The following SRP54 variants were observed in gnomAD, a reference collection of about 807,000 sequenced individuals.
The protein encoded by SRP54 is signal recognition particle 54.
Under a neutral mutation model 64.8 loss-of-function variants are expected in SRP54, and 10 were observed. The observed-to-expected ratio is 0.15, with a 90% confidence interval of 0.10 to 0.26. SRP54 has a LOEUF of 0.26. SRP54 is among the 10% of genes least tolerant of loss of function. SRP54 has a pLI of 1.00. For missense variants in SRP54, 325 were observed against 613.7 expected (o/e 0.53, Z 4.97); for synonymous variants, 193 against 185.6 (o/e 1.04, Z -0.32).
At chr14:34,983,849 A>G (rs2043849690) in intron 1 of SRP54, among the ~76,000 whole-genome samples, 1 of 152,236 alleles carries the variant, frequency 6.6e-6, no homozygotes, top group Non-Finnish European at 1.5e-5. Flanking sequence ...ACATAAATAC[A>G]CATTATATCA....
intron 10 of SRP54, among the ~76,000 whole-genome samples, chr14:35,014,466 G>A (rs1198776649): frequency 6.6e-6 from 1 of 151,760 alleles, no homozygotes; most frequent in Non-Finnish European, 1.5e-5. Context: ...TTTTAGTAGA[G>A]ACGGGGTTTC....
chr14:35,029,051 T>C lies in SRP54; in HGVS notation c.1424-10T>C, dbSNP rs2044681048. The C allele has an allele frequency of 6.2e-7, 1 of 1,610,678 alleles. No homozygotes were observed. Among genetic ancestry groups the C allele is most frequent in the Non-Finnish European group, 8.5e-7 (1 of 1,177,958 alleles). On this transcript the variant is annotated splice_polypyrimidine_tract_variant and intron_variant, in intron 15 of 15. Coordinates refer to ENST00000216774, the MANE Select transcript of SRP54 (RefSeq NM_003136.4). Reference sequence around the variant, plus strand: ...CTGTTTTTAACTCTACTTCCCTACTTTTGCTCTAGGTGGTATGGCAGGACT... The same window carrying C: ...CTGTTTTTAACTCTACTTCCCTACTCTTGCTCTAGGTGGTATGGCAGGACT...
intron 4 of SRP54, among the ~76,000 whole-genome samples, chr14:35,004,061 A>G (rs1002338457): frequency 4.6e-5 from 7 of 151,998 alleles, no homozygotes; most frequent in African/African-American, 1.7e-4. Context: ...CCTGACCAAC[A>G]TGGTGAAACT....
chr14:34,987,364 G>T (rs2043916130), intron 1 of SRP54, among the ~76,000 whole-genome samples: 1 of 148,930 alleles, frequency 6.7e-6, no homozygotes. Flanking sequence ...ACAAAGTTAC[G>T]CAACTATCAC....
intron 1 of SRP54, among the ~76,000 whole-genome samples, chr14:34,988,578 A>AAAATATATATATATATATATATCATATAT (rs1384552218): frequency 2.1e-5 from 1 of 47,104 alleles, no homozygotes; most frequent in Non-Finnish European, 4.8e-5. Context: ...AAAAAAAAAA[A>AAAATATATATATATATATATATCATATAT]ATATATATAT....
chr14:35,013,484 G>A lies in SRP54; in HGVS notation c.775G>A (p.Ala259Thr), dbSNP rs920906296. ...KLDGHAKGGG[A>T]LSAVAATKSP... Reference sequence around the variant, plus strand: ...TGATGGCCATGCAAAAGGAGGTGGTGCACTCAGTGCGTAAGTATCATTGAT... The same window carrying A: ...TGATGGCCATGCAAAAGGAGGTGGTACACTCAGTGCGTAAGTATCATTGAT... The change falls in exon 9 of 16, where the codon GCA (alanine) becomes ACA (threonine). Residue 259 changes from alanine (A) to threonine (T), a missense_variant. Around this residue, in one of 3 missense-constraint regions of SRP54, gnomAD observed 146 missense variants for 337.4 expected, o/e 0.43. Coordinates refer to ENST00000216774, the MANE Select transcript of SRP54 (RefSeq NM_003136.4). The A allele has an allele frequency of 1.2e-6, 2 of 1,613,942 alleles. No individual in the cohort carries two copies. The highest frequency in any genetic ancestry group is 2.7e-5 in the African/African-American group (2 of 74,928).
At position 35,013,310 on chromosome 14, in the gene SRP54, C is replaced by A. The variant is rs369492821; in HGVS notation, c.637-36C>A. The A allele has an allele frequency of 5.9e-5, 93 of 1,584,356 alleles. No homozygotes were observed. The East Asian group carries it at 1.1e-3, about 19-fold the overall frequency. On this transcript the variant is annotated intron_variant, in intron 8 of 15. Coordinates refer to ENST00000216774, the MANE Select transcript of SRP54 (RefSeq NM_003136.4). ...ACATTTGCTTAGGATCAATAAAAATCTTTTCTAAAGTATCTTTTCTATTTA... is the reference window on the plus strand; with the variant it reads ...ACATTTGCTTAGGATCAATAAAAATATTTTCTAAAGTATCTTTTCTATTTA...
chr14:34,988,603 T>TATATATAACATATATATG (rs1555352788), intron 1 of SRP54, among the ~76,000 whole-genome samples: 1 of 127,800 alleles, frequency 7.8e-6, no homozygotes, highest in Non-Finnish European at 1.7e-5. Context: ...ATAACATATA[T>TATATATAACATATATATG]ATATATAATG....
At chr14:35,014,722 T>C in intron 10 of SRP54, 22 bp from the exon 11 acceptor site, 1 of 1,589,674 alleles carries the variant, frequency 6.3e-7, no homozygotes, top group South Asian at 1.1e-5. Context: ...AGTTGTTAAT[T>C]TTTCTTTTTT....
intron 2 of SRP54, among the ~76,000 whole-genome samples, chr14:34,997,265 G>T (rs1422965960): frequency 6.6e-6 from 1 of 152,046 alleles, no homozygotes; most frequent in Non-Finnish European, 1.5e-5. Context: ...GTTTTTTGGA[G>T]ATTTTGTAAG....
At chr14:35,015,575 C>T (rs1455466883) in intron 11 of SRP54, among the ~76,000 whole-genome samples, 2 of 152,102 alleles carry the variant, frequency 1.3e-5, no homozygotes, top group Non-Finnish European at 2.9e-5. Context: ...TTTTAAATTA[C>T]TTAGCCTCAA....
At chr14:35,007,208 A>C in intron 4 of SRP54, 75 bp from the exon 5 acceptor site, 1 of 1,012,038 alleles carries the variant, frequency 9.9e-7, no homozygotes, top group South Asian at 1.8e-5. Flanking sequence ...AAGGAAAAAA[A>C]AGTTGTGGGG....
At chr14:35,001,664 G>T (rs2044175718) in intron 4 of SRP54, among the ~76,000 whole-genome samples, 1 of 152,136 alleles carries the variant, frequency 6.6e-6, no homozygotes, top group Admixed American at 6.6e-5. Context: ...GTCACATATA[G>T]CAAGTATTCT....
Position 35,008,829 on chromosome 14 carries a change from A to C in SRP54, c.483A>C (p.Gly161=). 1 of 1,603,806 alleles carries C rather than the reference A, an allele frequency of 6.2e-7. No individual in the cohort carries two copies. The highest frequency in any genetic ancestry group is 8.5e-7 in the Non-Finnish European group (1 of 1,174,974). Residue 161 remains glycine, a splice_region_variant and synonymous_variant, in exon 7 of 16, where the codon GGA becomes GGC. Transcript: ENST00000216774. ...NATKARIPFY[G]SYTEMDPVII... ...CCAAAGCAAGAATTCCATTTTATGG[A>C]AGGTAGGTTACTGTTTTTTATTTTA...
At chr14:34,987,575 C>A (rs554623585) in intron 1 of SRP54, among the ~76,000 whole-genome samples, 4 of 151,994 alleles carry the variant, frequency 2.6e-5, no homozygotes, top group Admixed American at 6.6e-5. Flanking sequence ...ACTTATGTTT[C>A]GAAGATTAAT....
rs769913216 is a variant in SRP54, at chr14:34,996,698, A to G, written c.-12A>G. 1 of 1,602,422 alleles carries G rather than the reference A, an allele frequency of 6.2e-7. No individual in the cohort carries two copies. Among genetic ancestry groups the G allele is most frequent in the South Asian group, 1.1e-5 (1 of 90,828 alleles). ...GTAGAGTTCTTCGTAAGTACATCTT[A>G]AAGCTGTCAAGATGGTTCTAGCAGA... is the stretch of plus-strand genomic sequence containing the variant. On this transcript the variant is annotated 5_prime_UTR_variant, in exon 2 of 16. Coordinates refer to ENST00000216774, the MANE Select transcript of SRP54 (RefSeq NM_003136.4).
Position 34,995,135 on chromosome 14 carries a change from GTGTGTGTGTGT to G in SRP54, c.-33-1541_-33-1531del, listed in dbSNP as rs2044048629. On this transcript the variant is annotated intron_variant, in intron 1 of 15. Coordinates refer to ENST00000216774, the MANE Select transcript of SRP54 (RefSeq NM_003136.4). ...TCCAGAGAAGCAGAATCAATAAAGG[GTGTGTGTGTGT>G]GTGTGTGTGTGTGTGTGTGTGTGTG... 8.2e-3 allele frequency among the ~76,000 whole-genome samples: 462 copies of G among 56,684 alleles called. 7 individuals carry two copies. The highest frequency in any genetic ancestry group is 0.011 in the Admixed American group (57 of 5,068). 37.2% of individuals were successfully genotyped at this position (56,684 alleles called of 152,430 possible).
intron 4 of SRP54, among the ~76,000 whole-genome samples, chr14:35,005,049 G>A (rs2044234974): frequency 6.6e-6 from 1 of 152,200 alleles, no homozygotes; most frequent in Non-Finnish European, 1.5e-5. Context: ...AGCAGTAAAT[G>A]GGTCAGGCAC....
At position 35,014,799 on chromosome 14, in the gene SRP54, C is replaced by A. The variant is rs1290822406; in HGVS notation, c.942C>A (p.Asp314Glu). Reference sequence around the variant, plus strand: ...AAGTCAACGAGTTGAAGTTGGATGACAATGAAGCACTTATAGAGAAGTTGA... The same window carrying A: ...AAGTCAACGAGTTGAAGTTGGATGAAAATGAAGCACTTATAGAGAAGTTGA... ...IDKVNELKLD[D>E]NEALIEKLKH... The change falls in exon 11 of 16, where the codon GAC becomes GAA. Residue 314 changes from aspartate (D) to glutamate (E), a missense_variant. Physicochemically the swap from Asp to Glu is conservative, Grantham distance 45. This residue lies in a region of SRP54 where 146 missense variants were observed against 337.4 expected (regional missense o/e 0.43). Coordinates refer to ENST00000216774, the MANE Select transcript of SRP54 (RefSeq NM_003136.4). 6.2e-7 allele frequency: 1 copy of A among 1,613,764 alleles called. No individual in the cohort carries two copies. The highest frequency in any genetic ancestry group is 8.5e-7 in the Non-Finnish European group (1 of 1,179,932).
Sources: allele counts gnomAD v4.1 joint callset (sites outside exome capture counted in the v4.1 genomes callset), GRCh38; gene constraint gnomAD v4.1.1; regional missense constraint gnomAD v4.1.1; transcripts MANE v1.5; gene names NCBI Gene and HGNC (gene_info 2026-07-23, HGNC 2026-07-21).